The following PLAC1 variants were observed in gnomAD, a reference collection of about 807,000 sequenced individuals.
PLAC1 encodes the protein placenta associated 1.
For synonymous variants in PLAC1, 68 were observed against 62.1 expected, an observed-to-expected ratio of 1.09 and a Z score of -0.44; for missense variants, 136 against 163.2, an observed-to-expected ratio of 0.83 and a Z score of 0.91.
intron 2 of PLAC1, among the ~76,000 whole-genome samples, chrX:134,707,267 G>T (rs894484097): frequency 2.7e-5 from 3 of 112,546 alleles, no homozygotes; most frequent in African/African-American, 9.7e-5. Flanking sequence ...GACATCCTTA[G>T]ATGCAGGAAC....
intron 2 of PLAC1, among the ~76,000 whole-genome samples, chrX:134,595,631 A>G (rs1234312064): frequency 9.3e-6 from 1 of 107,640 alleles, no homozygotes; most frequent in Admixed American, 1.0e-4. Context: ...ATATATATAT[A>G]TATCTGATAA....
intron 1 of PLAC1, among the ~76,000 whole-genome samples, chrX:134,642,340 T>C (rs910819093): frequency 8.9e-6 from 1 of 111,856 alleles, no homozygotes; most frequent in Non-Finnish European, 1.9e-5. Flanking sequence ...TAGGAGCTCC[T>C]TTGTGAGATC....
chrX:134,721,418 T>C (rs1366345130), intron 2 of PLAC1, among the ~76,000 whole-genome samples: 4 of 108,260 alleles, frequency 3.7e-5, no homozygotes, highest in Non-Finnish European at 7.7e-5. Context: ...GAAAAAAAAA[T>C]TAAAAAATTA....
chrX:134,747,121 T>C (rs1191901186), intron 1 of PLAC1, among the ~76,000 whole-genome samples: 1 of 112,310 alleles, frequency 8.9e-6, no homozygotes, highest in East Asian at 2.8e-4. Flanking sequence ...TTCTAAGCAT[T>C]GCCCTCAGGC....
intron 2 of PLAC1, among the ~76,000 whole-genome samples, chrX:134,600,193 T>C (rs1040393963): frequency 1.8e-5 from 2 of 110,698 alleles, no homozygotes; most frequent in Non-Finnish European, 3.8e-5. Flanking sequence ...GTCTGACTTA[T>C]TTTTCACATT....
At chrX:134,674,039 T>G (rs1195013142) in intron 2 of PLAC1, among the ~76,000 whole-genome samples, 1 of 112,736 alleles carries the variant, frequency 8.9e-6, no homozygotes, top group African/African-American at 3.2e-5. Context: ...CTGTTGGGTA[T>G]GATCACAATT....
At chrX:134,636,979 C>T (rs1453499803) in intron 1 of PLAC1, among the ~76,000 whole-genome samples, 3 of 112,488 alleles carry the variant, frequency 2.7e-5, no homozygotes, top group Admixed American at 9.4e-5. Flanking sequence ...CCATCTCAGT[C>T]CTCCGTAAAC....
At chrX:134,686,515 G>T (rs1252720624) in intron 2 of PLAC1, among the ~76,000 whole-genome samples, 1 of 111,962 alleles carries the variant, frequency 8.9e-6, no homozygotes, top group Non-Finnish European at 1.9e-5. Flanking sequence ...AGTGTGACGT[G>T]CTCAGTCTGA....
intron 2 of PLAC1, among the ~76,000 whole-genome samples, chrX:134,725,242 C>A (rs997162051): frequency 9.0e-6 from 1 of 111,357 alleles, no homozygotes; most frequent in East Asian, 2.8e-4. Context: ...GATGACCAAC[C>A]ATTTTTATAT....
intron 1 of PLAC1, among the ~76,000 whole-genome samples, chrX:134,624,154 C>G (rs2078224321): frequency 9.0e-6 from 1 of 111,652 alleles, no homozygotes; most frequent in South Asian, 3.8e-4. Flanking sequence ...TTATAATTGC[C>G]CTTTAAGCCA....
intron 2 of PLAC1, among the ~76,000 whole-genome samples, chrX:134,731,418 A>T (rs2078688762): frequency 8.9e-6 from 1 of 112,717 alleles, no homozygotes; most frequent in African/African-American, 3.2e-5. Context: ...TTTTGTCAAT[A>T]GATTAGGTTC....
intron 2 of PLAC1, among the ~76,000 whole-genome samples, chrX:134,576,193 T>A (rs2077938172): frequency 9.2e-6 from 1 of 108,251 alleles, no homozygotes; most frequent in Non-Finnish European, 1.9e-5. Context: ...CTATTCTATA[T>A]CTATATATTC....
chrX:134,572,636 A>G (rs961809196), intron 2 of PLAC1, among the ~76,000 whole-genome samples: 1 of 111,890 alleles, frequency 8.9e-6, no homozygotes, highest in Non-Finnish European at 1.9e-5. Flanking sequence ...GCCATTAAAA[A>G]TTTATTTCTG....
rs189491585 is a variant in PLAC1, at chrX:134,591,144, G to A, written c.-59+10907C>T. Among the ~76,000 whole-genome samples the A allele has an allele frequency of 3.6e-3, 407 of 111,881 alleles. 2 individuals are homozygous for A. The highest frequency in any genetic ancestry group is 4.2e-3 in the Non-Finnish European group (224 of 53,176). On this transcript the variant is annotated intron_variant, in intron 2 of 2. Transcript: ENST00000359237. ...TTCCCCTCATTCGAGCACAGCTCAG[G>A]TAGGTCTCTATCTTTCATCTTTGAA... is the stretch of plus-strand genomic sequence containing the variant.
chrX:134,599,269 A>G (rs992681768), intron 2 of PLAC1, among the ~76,000 whole-genome samples: 2 of 111,311 alleles, frequency 1.8e-5, no homozygotes, highest in Non-Finnish European at 1.9e-5. Flanking sequence ...CCGAAATCTC[A>G]TGTTGAATTG....
chrX:134,619,675 A>G (rs2078202115), intron 1 of PLAC1, among the ~76,000 whole-genome samples: 1 of 111,145 alleles, frequency 9.0e-6, no homozygotes, highest in African/African-American at 3.3e-5. Context: ...GAAAAAAGAA[A>G]AGAAAAAGAA....
chrX:134,691,154 T>C (rs1454156857), intron 2 of PLAC1, among the ~76,000 whole-genome samples: 3 of 97,629 alleles, frequency 3.1e-5, no homozygotes, highest in African/African-American at 1.1e-4. Context: ...AAAATGGGGG[T>C]AATACCACCT....
At chrX:134,610,005 T>G (rs1405160800) in intron 1 of PLAC1, among the ~76,000 whole-genome samples, 1 of 110,606 alleles carries the variant, frequency 9.0e-6, no homozygotes, top group Non-Finnish European at 1.9e-5. Context: ...TTTGAGACAG[T>G]CTCGCTCTGT....
chrX:134,738,744 G>A (rs2078709951), intron 1 of PLAC1, among the ~76,000 whole-genome samples: 1 of 112,377 alleles, frequency 8.9e-6, no homozygotes, highest in Non-Finnish European at 1.9e-5. Context: ...CCAGAGATGA[G>A]GCATTCCCAA....
Sources: gnomAD v4.1 joint callset for allele counts (sites outside exome capture counted in the v4.1 genomes callset) on GRCh38, gnomAD v4.1.1 for gene constraint, MANE v1.5 for transcripts, NCBI Gene and HGNC (gene_info 2026-07-23, HGNC 2026-07-21) for gene names.